The following GRIA2 variants were observed in gnomAD, a reference collection of about 807,000 sequenced individuals.
GRIA2 encodes the protein glutamate receptor 2.
Under a neutral mutation model 97.3 loss-of-function variants are expected in GRIA2, and 14 were observed. The observed-to-expected ratio is 0.14, with a 90% CI of 0.10 to 0.23. GRIA2 has a LOEUF of 0.23. Ranked by LOEUF, GRIA2 falls within the 10% of genes least tolerant of loss-of-function variation. The probability of loss-of-function intolerance (pLI) is 1.00; values close to 1 mark genes in which losing one functional copy is unlikely to be tolerated. For synonymous variants in GRIA2, 412 were observed against 387.8 expected, an observed-to-expected ratio of 1.06 and a Z score of -0.73; for missense variants, 558 against 1,069.8, an observed-to-expected ratio of 0.52 and a Z score of 6.67.
chr4:157,283,037 G>C (rs140958721), intron 2 of GRIA2, among the ~76,000 whole-genome samples: 138 of 152,020 alleles, frequency 9.1e-4, no homozygotes, highest in South Asian at 6.2e-4. Context: ...TGAAATGTGA[G>C]GTTTTAGACT....
chr4:157,261,742 G>T (rs1328217094), intron 2 of GRIA2, among the ~76,000 whole-genome samples: 1 of 152,010 alleles, frequency 6.6e-6, no homozygotes, highest in African/African-American at 2.4e-5. Flanking sequence ...TATTATCTTT[G>T]GGTATTTACA....
chr4:157,341,157 A>G, intron 11 of GRIA2, 107 bp from the exon 12 acceptor site: 1 of 762,642 alleles, frequency 1.3e-6, no homozygotes, highest in South Asian at 1.7e-5. Context: ...TGAAAAATAT[A>G]AAATTAAATA....
intron 2 of GRIA2, among the ~76,000 whole-genome samples, chr4:157,281,258 T>A (rs1361972821): frequency 2.0e-5 from 3 of 152,154 alleles, no homozygotes; most frequent in Admixed American, 6.6e-5. Context: ...TTGGTATTAC[T>A]AATTACTAAC....
intron 2 of GRIA2, among the ~76,000 whole-genome samples, chr4:157,235,001 C>T (rs192707395): frequency 6.6e-6 from 1 of 152,148 alleles, no homozygotes; most frequent in East Asian, 1.9e-4. Flanking sequence ...TCTTATTCTT[C>T]TTATGTTGCC....
At chr4:157,320,867 AAC>A (rs1358396008) in intron 5 of GRIA2, among the ~76,000 whole-genome samples, 1 of 152,162 alleles carries the variant, frequency 6.6e-6, no homozygotes, top group African/African-American at 2.4e-5. Context: ...TCATTGCAAT[AAC>A]ACAAGATAAA....
At chr4:157,332,754 T>G (rs975932939) in intron 6 of GRIA2, 65 bp from the exon 7 acceptor site, 110 of 1,208,426 alleles carry the variant, frequency 9.1e-5, no homozygotes, top group Non-Finnish European at 1.3e-4. Flanking sequence ...CAGTCTTGAT[T>G]GCTGGGGTGC....
rs145573036 is a variant in GRIA2 at position 157,336,626 on chromosome 4, G to C, written c.1723G>C (p.Glu575Gln). The C allele has an allele frequency of 1.8e-4, 283 of 1,613,374 alleles. No individual in the cohort carries two copies. The highest frequency in any genetic ancestry group is 2.2e-4 in the Non-Finnish European group (256 of 1,179,606). The change falls in exon 11 of 16, where the codon GAG becomes CAG. Residue 575 changes from glutamate (E) to glutamine (Q), a missense_variant. Glu to Gln is a conservative substitution (Grantham distance 29). This residue lies in a region of GRIA2 where 125 missense variants were observed against 310.2 expected (regional missense o/e 0.40). Coordinates refer to ENST00000264426, the MANE Select transcript of GRIA2 (RefSeq NM_001083619.3). ...SRFSPYEWHT[E>Q]EFEDGRETQS... is the part of the protein sequence containing the mutation. Reference sequence around the variant, plus strand: ...ATTTAGCCCCTACGAGTGGCACACTGAGGAGTTTGAAGATGGAAGAGAAAC... The same window carrying C: ...ATTTAGCCCCTACGAGTGGCACACTCAGGAGTTTGAAGATGGAAGAGAAAC...
chr4:157,350,401 T>G (rs1224197873), intron 12 of GRIA2, among the ~76,000 whole-genome samples: 1 of 152,096 alleles, frequency 6.6e-6, no homozygotes, highest in African/African-American at 2.4e-5. Flanking sequence ...TTATAGAAGA[T>G]CTTTTTAATT....
At chr4:157,226,982 C>G (rs555560395) in intron 2 of GRIA2, among the ~76,000 whole-genome samples, 76 of 152,202 alleles carry the variant, frequency 5.0e-4, no homozygotes, top group African/African-American at 1.8e-3. Context: ...GTTAAAATTT[C>G]ATACTTCACT....
intron 2 of GRIA2, among the ~76,000 whole-genome samples, chr4:157,296,526 A>T (rs1278546892): frequency 6.6e-6 from 1 of 152,126 alleles, no homozygotes; most frequent in African/African-American, 2.4e-5. Context: ...ATAATTTATA[A>T]TTTTTTCCAG....
In GRIA2 at chr4:157,316,343, A is replaced by C. The variant is rs567003767; in HGVS notation, c.667-1315A>C. ...GTTACATAAAACTGAGTCAGAAAAC[A>C]ATGTAAGTTTTAACTTCCTTTCAAA... On this transcript the variant is annotated intron_variant, in intron 4 of 15. Transcript: ENST00000264426. Among the ~76,000 whole-genome samples, 5 of 152,310 alleles carry C rather than the reference A, an allele frequency of 3.3e-5. No homozygotes were observed. In the South Asian group the frequency reaches 1.0e-3, roughly 32 times the overall value.
chr4:157,266,620 G>A (rs1408327612), intron 2 of GRIA2, among the ~76,000 whole-genome samples: 2 of 152,064 alleles, frequency 1.3e-5, no homozygotes, highest in Non-Finnish European at 2.9e-5. Flanking sequence ...GCTAATGAAT[G>A]ATGGAAAGTG....
chr4:157,355,934 T>TATATAA (rs1736299025), intron 12 of GRIA2, among the ~76,000 whole-genome samples: 1 of 30,246 alleles, frequency 3.3e-5, no homozygotes, highest in Non-Finnish European at 5.7e-5. Context: ...TATATATATT[T>TATATAA]ATATATTAAT....
Position 157,362,844 on chromosome 4 carries a change from T to C in GRIA2, c.2452T>C (p.Tyr818His). 6.2e-7 allele frequency: 1 copy of C among 1,613,420 alleles called. No individual in the cohort carries two copies. The highest frequency in any genetic ancestry group is 8.5e-7 in the Non-Finnish European group (1 of 1,179,514). Residue 818 changes from tyrosine (Y) to histidine (H), a missense_variant, in exon 15 of 16, where the codon TAC (tyrosine) becomes CAC (histidine). Around this residue, in one of 8 missense-constraint regions of GRIA2, gnomAD observed 54 missense variants for 82.1 expected, o/e 0.66. Transcript: ENST00000264426. ...LSLSNVAGVF[Y>H]ILVGGLGLAM... is the part of the protein sequence containing the mutation. ...TCTGAGCAACGTTGCTGGAGTATTCTACATCCTTGTCGGGGGCCTTGGTTT... is the reference window on the plus strand; with the variant it reads ...TCTGAGCAACGTTGCTGGAGTATTCCACATCCTTGTCGGGGGCCTTGGTTT...
Position 157,361,651 on chromosome 4 carries a change from A to G in GRIA2, c.2406+527A>G. ...TGTGGAGCCAAGGACTCTGGAAGTA[A>G]GGTCAGTTGCTGCAGGTTTTATGTG... On this transcript the variant is annotated intron_variant, in intron 14 of 15. Coordinates refer to ENST00000264426, the MANE Select transcript of GRIA2 (RefSeq NM_001083619.3). The surrounding 1 kb of genome is among the most constrained non-coding windows in gnomAD (Gnocchi z 5.2). 1.3e-6 allele frequency: 2 copies of G among 1,599,242 alleles called. No individual in the cohort carries two copies. Among genetic ancestry groups the G allele is most frequent in the Non-Finnish European group, 1.7e-6 (2 of 1,166,832 alleles).
At chr4:157,264,529 C>G (rs1171115737) in intron 2 of GRIA2, among the ~76,000 whole-genome samples, 1 of 152,062 alleles carries the variant, frequency 6.6e-6, no homozygotes, top group Admixed American at 6.6e-5. Flanking sequence ...GATAATTGCC[C>G]CATCTCAAAC....
chr4:157,355,264 AC>A, intron 12 of GRIA2, among the ~76,000 whole-genome samples: 1 of 152,282 alleles, frequency 6.6e-6, no homozygotes, highest in Middle Eastern at 3.4e-3. Context: ...ACAGTGGCTC[AC>A]GCCTGTAATC....
chr4:157,233,389 T>A (rs1730109544), intron 2 of GRIA2, among the ~76,000 whole-genome samples: 1 of 152,164 alleles, frequency 6.6e-6, no homozygotes, highest in South Asian at 2.1e-4. Flanking sequence ...ATTTAAGATA[T>A]CTCAATATTT....
chr4:157,343,037 T>C (rs1358107928), intron 12 of GRIA2, among the ~76,000 whole-genome samples: 1 of 152,072 alleles, frequency 6.6e-6, no homozygotes, highest in Non-Finnish European at 1.5e-5. Flanking sequence ...CATTCCCTAG[T>C]AGACAAGACA....
Sources: allele counts gnomAD v4.1 joint callset (sites outside exome capture counted in the v4.1 genomes callset), GRCh38; gene constraint gnomAD v4.1.1; regional missense constraint gnomAD v4.1.1; non-coding constraint Gnocchi (gnomAD v3.1); transcripts MANE v1.5; gene names NCBI Gene and HGNC (gene_info 2026-07-23, HGNC 2026-07-21).